MYO1E: variants seen among roughly 807,000 people sequenced by gnomAD.
The protein encoded by MYO1E is unconventional myosin-Ie.
Under a neutral mutation model 151.1 loss-of-function variants are expected in MYO1E, and 68 were observed. That is an observed-to-expected ratio of 0.45 (90% CI 0.37 to 0.55). The LOEUF is 0.55. Among genes scored for constraint, MYO1E ranks in the 20% least tolerant of loss-of-function variants. The probability of loss-of-function intolerance (pLI) is 0.00; values close to 1 mark genes in which losing one functional copy is unlikely to be tolerated. For synonymous variants in MYO1E, 601 were observed against 501.7 expected (o/e 1.20, Z -2.64); for missense variants, 1,363 against 1,389.3 (o/e 0.98, Z 0.30).
chr15:59,329,636 T>C (rs1379380731), intron 1 of MYO1E, among the ~76,000 whole-genome samples: 1 of 152,208 alleles, frequency 6.6e-6, no homozygotes, highest in East Asian at 1.9e-4. Context: ...TCCAAGTTCA[T>C]GGTCTCATAT....
intron 1 of MYO1E, among the ~76,000 whole-genome samples, chr15:59,286,358 ATGTT>A (rs1458165767): frequency 6.6e-6 from 1 of 152,188 alleles, no homozygotes; most frequent in Non-Finnish European, 1.5e-5. Flanking sequence ...TTTCTGAAAA[ATGTT>A]TGGGGCATAT....
intron 4 of MYO1E, among the ~76,000 whole-genome samples, chr15:59,255,419 G>T (rs1440520726): frequency 6.6e-6 from 1 of 151,818 alleles, no homozygotes; most frequent in Non-Finnish European, 1.5e-5. Context: ...TTTCAAGATG[G>T]AGTCTCACTC....
At chr15:59,149,337 T>A (rs1432168578) in intron 26 of MYO1E, among the ~76,000 whole-genome samples, 4 of 152,176 alleles carry the variant, frequency 2.6e-5, no homozygotes, top group African/African-American at 9.7e-5. Context: ...ATTACAGGCG[T>A]GAGCCACCGC....
At chr15:59,341,043 A>AG (rs2080762451) in intron 1 of MYO1E, among the ~76,000 whole-genome samples, 1 of 151,616 alleles carries the variant, frequency 6.6e-6, no homozygotes, top group African/African-American at 2.4e-5. Context: ...AAGAAAAAAA[A>AG]GAAAAAAAGA....
intron 1 of MYO1E, among the ~76,000 whole-genome samples, chr15:59,335,675 T>C (rs948865451): frequency 3.3e-5 from 5 of 152,116 alleles, no homozygotes; most frequent in Admixed American, 1.3e-4. Context: ...ACATTTAAAC[T>C]ATATTAGACC....
At chr15:59,339,005 G>A (rs1295251913) in intron 1 of MYO1E, among the ~76,000 whole-genome samples, 1 of 152,188 alleles carries the variant, frequency 6.6e-6, no homozygotes, top group Non-Finnish European at 1.5e-5. Flanking sequence ...GGTGGCACAT[G>A]CCTGTAATCC....
chr15:59,338,497 C>G (rs1410127476), intron 1 of MYO1E, among the ~76,000 whole-genome samples: 1 of 152,130 alleles, frequency 6.6e-6, no homozygotes, highest in African/African-American at 2.4e-5. Flanking sequence ...TTTAGAACAT[C>G]TCCTCTTAAG....
intron 1 of MYO1E, among the ~76,000 whole-genome samples, chr15:59,342,129 T>C (rs1411814424): frequency 6.6e-6 from 1 of 152,254 alleles, no homozygotes; most frequent in Non-Finnish European, 1.5e-5. Flanking sequence ...TGATTTTCAG[T>C]GGTGTTGAGC....
intron 3 of MYO1E, among the ~76,000 whole-genome samples, chr15:59,261,172 C>G (rs1222200187): frequency 6.6e-6 from 1 of 150,560 alleles, no homozygotes; most frequent in African/African-American, 2.4e-5. Flanking sequence ...GAGATCATGC[C>G]CAGCCTGGGC....
intron 4 of MYO1E, among the ~76,000 whole-genome samples, chr15:59,243,020 T>C (rs1450517952): frequency 6.6e-6 from 1 of 151,306 alleles, no homozygotes; most frequent in Non-Finnish European, 1.5e-5. Context: ...CCAACGGAGT[T>C]GGGATTAACC....
In MYO1E at chr15:59,174,239, A is replaced by T. The variant is rs1170785344; in HGVS notation, c.2051T>A (p.Leu684Gln). The T allele has an allele frequency of 6.2e-7, 1 of 1,603,576 alleles. No individual in the cohort carries two copies. The highest frequency in any genetic ancestry group is 8.5e-7 in the Non-Finnish European group (1 of 1,170,504). ...SKVFIKAPES[L>Q]FLLEEMRERK... ...CTCTCTCATCTCTTCTAAAAGAAAT[A>T]GCTGTGAATGGAGAGAAGACAAATG... Residue 684 changes from leucine to glutamine, a missense_variant and splice_region_variant, in exon 20 of 28, where the codon CTA (leucine) becomes CAA (glutamine). Leu to Gln is a moderately radical substitution (Grantham distance 113, BLOSUM62 -2). Coordinates refer to ENST00000288235, the MANE Select transcript of MYO1E (RefSeq NM_004998.4).
intron 1 of MYO1E, among the ~76,000 whole-genome samples, chr15:59,302,174 C>A (rs1180550177): frequency 6.6e-6 from 1 of 152,120 alleles, no homozygotes; most frequent in Non-Finnish European, 1.5e-5. Context: ...AAGAGTACAC[C>A]TTGAGGCTAA....
chr15:59,251,145 C>T (rs191959693), intron 4 of MYO1E, among the ~76,000 whole-genome samples: 3 of 152,236 alleles, frequency 2.0e-5, no homozygotes, highest in Admixed American at 6.5e-5. Context: ...CGGTGACCTC[C>T]GCTTAGTATC....
intron 4 of MYO1E, among the ~76,000 whole-genome samples, chr15:59,254,397 C>T (rs955197478): frequency 1.1e-4 from 16 of 152,158 alleles, no homozygotes; most frequent in Admixed American, 7.2e-4. Flanking sequence ...CTATGTTGTC[C>T]GGGCTGATCT....
intron 9 of MYO1E, among the ~76,000 whole-genome samples, chr15:59,219,946 C>T (rs1167987637): frequency 6.6e-6 from 1 of 152,152 alleles, no homozygotes; most frequent in East Asian, 1.9e-4. Flanking sequence ...GCATTCATCT[C>T]ACAGAGTTGC....
intron 2 of MYO1E, among the ~76,000 whole-genome samples, chr15:59,263,287 A>T (rs2080234745): frequency 6.6e-6 from 1 of 152,340 alleles, no homozygotes; most frequent in Non-Finnish European, 1.5e-5. Context: ...AATAGGACCT[A>T]CCTGATAGTC....
intron 22 of MYO1E, among the ~76,000 whole-genome samples, chr15:59,167,972 C>A (rs1260831227): frequency 3.3e-5 from 5 of 152,312 alleles, no homozygotes; most frequent in Non-Finnish European, 7.4e-5. Context: ...AGCCACCACA[C>A]CCAGCCTAAT....
At chr15:59,211,267 G>T (rs886347366) in intron 12 of MYO1E, among the ~76,000 whole-genome samples, 3 of 151,864 alleles carry the variant, frequency 2.0e-5, no homozygotes, top group African/African-American at 7.3e-5. Flanking sequence ...TAATGGGAAG[G>T]TTCTTCAGTC....
rs1304774673 is a variant in MYO1E, at chr15:59,261,454, AAAT to A, written c.200_202del (p.Tyr67del). 6.2e-7 allele frequency: 1 copy of A among 1,611,516 alleles called. No homozygotes were observed. Among genetic ancestry groups the A allele is most frequent in the Non-Finnish European group, 8.5e-7 (1 of 1,177,986 alleles). On this transcript the variant is annotated inframe_deletion, in exon 3 of 28. Coordinates refer to ENST00000288235, the MANE Select transcript of MYO1E (RefSeq NM_004998.4). ...GTACATTTCAATTTCCTTTTCCCCA[AAAT>A]ATGGCATCTGCTTGAAAGGGTTGAC...
Sources: gnomAD v4.1 joint callset for allele counts (sites outside exome capture counted in the v4.1 genomes callset) on GRCh38, gnomAD v4.1.1 for gene constraint, MANE v1.5 for transcripts, NCBI Gene and HGNC (gene_info 2026-07-23, HGNC 2026-07-21) for gene names.